ULK4: variants seen among roughly 807,000 people sequenced by gnomAD.
ULK4 encodes the protein inactive serine/threonine-protein kinase ULK4.
A neutral mutation model predicts 160.6 loss-of-function variants in ULK4; 133 were observed. That is an observed-to-expected ratio of 0.83 (90% CI 0.72 to 0.96). The LOEUF is 0.96. Among genes scored for constraint, ULK4 ranks in the 40% least tolerant of loss-of-function variants. The pLI, the probability that ULK4 is intolerant of heterozygous loss-of-function variation, is 0.00. For missense variants in ULK4, 1,580 were observed against 1,499.5 expected (o/e 1.05, Z -0.89); for synonymous variants, 534 against 539.8 (o/e 0.99, Z 0.15).
chr3:41,412,398 G>GTT (rs36026491), intron 34 of ULK4, among the ~76,000 whole-genome samples: 206 of 139,054 alleles, frequency 1.5e-3, no homozygotes, highest in South Asian at 0.012. Flanking sequence ...AATCCCCCAA[G>GTT]TTTTTTTTTT....
At chr3:41,855,873 G>T (rs1387869450) in intron 17 of ULK4, among the ~76,000 whole-genome samples, 1 of 152,046 alleles carries the variant, frequency 6.6e-6, no homozygotes, top group African/African-American at 2.4e-5. Flanking sequence ...AAATATGTTA[G>T]TCTCATACCT....
intron 27 of ULK4, among the ~76,000 whole-genome samples, chr3:41,694,225 C>T (rs2036410321): frequency 6.6e-6 from 1 of 152,182 alleles, no homozygotes; most frequent in African/African-American, 2.4e-5. Context: ...GCAGTGTGAA[C>T]TCATGATTTC....
chr3:41,844,537 C>T (rs867487029), intron 17 of ULK4, among the ~76,000 whole-genome samples: 9 of 152,158 alleles, frequency 5.9e-5, no homozygotes, highest in Admixed American at 2.0e-4. Context: ...GGTTGCCGCT[C>T]GCGCCTCTCC....
chr3:41,279,581 A>AG (rs58243824), intron 35 of ULK4, among the ~76,000 whole-genome samples: 152,356 of 152,356 alleles, frequency 1, 76,178 homozygotes, highest in Non-Finnish European at 1. Context: ...TTACCCCCAA[A>AG]GGAAGCCCAT....
At chr3:41,516,445 T>C (rs1374457377) in intron 32 of ULK4, among the ~76,000 whole-genome samples, 14 of 151,968 alleles carry the variant, frequency 9.2e-5, no homozygotes, top group Non-Finnish European at 2.9e-5. Flanking sequence ...GCAAAACATA[T>C]CTGATAAAGG....
chr3:41,474,845 A>G (rs2084092626), intron 32 of ULK4, among the ~76,000 whole-genome samples: 1 of 151,720 alleles, frequency 6.6e-6, no homozygotes, highest in Non-Finnish European at 1.5e-5. Flanking sequence ...GAAAACAAAC[A>G]TTGGCAACAA....
intron 35 of ULK4, among the ~76,000 whole-genome samples, chr3:41,315,927 C>T (rs1222700194): frequency 6.6e-6 from 1 of 152,186 alleles, no homozygotes; most frequent in South Asian, 2.1e-4. Flanking sequence ...AATCAGAACT[C>T]TCATACACTG....
rs181734329 is a variant in ULK4 at position 41,894,485 on chromosome 3, G to A, written c.1577+1033C>T. 2.8e-4 allele frequency among the ~76,000 whole-genome samples: 43 copies of A among 151,932 alleles called. No homozygotes were observed. The East Asian group carries it at 7.5e-3, about 27-fold the overall frequency. ...GTGCCACAATCCACAAAATCCTTTCGCCTCCATTTTTTCATGTGCCTGTCC... is the reference window on the plus strand; with the variant it reads ...GTGCCACAATCCACAAAATCCTTTCACCTCCATTTTTTCATGTGCCTGTCC... On this transcript the variant is annotated intron_variant, in intron 16 of 36. Transcript: ENST00000301831.
At chr3:41,530,173 T>A (rs1390275662) in intron 32 of ULK4, among the ~76,000 whole-genome samples, 2 of 152,200 alleles carry the variant, frequency 1.3e-5, no homozygotes, top group Admixed American at 1.3e-4. Context: ...AAATGAAATT[T>A]CACTAAACAC....
At chr3:41,679,736 G>C (rs929342092) in intron 29 of ULK4, among the ~76,000 whole-genome samples, 1 of 152,148 alleles carries the variant, frequency 6.6e-6, no homozygotes. Context: ...GATTAACAGA[G>C]CTTTAAAAAA....
In ULK4 at chr3:41,507,051, G is replaced by A. The variant is rs1350585102; in HGVS notation, c.3227-43798C>T. 6.7e-5 allele frequency among the ~76,000 whole-genome samples: 10 copies of A among 148,384 alleles called. No individual in the cohort carries two copies. In the South Asian group the frequency reaches 8.6e-4, roughly 13 times the overall value. Reference sequence around the variant, plus strand: ...GCTATAAAGCAGTTCATGTACACCTGGTTAAATGGATGTGCCAATTATATT... The same window carrying A: ...GCTATAAAGCAGTTCATGTACACCTAGTTAAATGGATGTGCCAATTATATT... On this transcript the variant is annotated intron_variant, in intron 32 of 36. Transcript: ENST00000301831.
intron 34 of ULK4, among the ~76,000 whole-genome samples, chr3:41,424,873 C>G (rs1324508912): frequency 1.4e-5 from 2 of 143,512 alleles, no homozygotes; most frequent in Non-Finnish European, 3.0e-5. Context: ...ACTGAAAAAG[C>G]CAGAGTGTCT....
chr3:41,692,672 G>A (rs2036345422), intron 27 of ULK4, among the ~76,000 whole-genome samples: 1 of 151,086 alleles, frequency 6.6e-6, no homozygotes, highest in East Asian at 1.9e-4. Context: ...ATAATATATG[G>A]AATAATCCAA....
chr3:41,483,864 A>G (rs183976330), intron 32 of ULK4, among the ~76,000 whole-genome samples: 2 of 152,332 alleles, frequency 1.3e-5, no homozygotes, highest in East Asian at 3.9e-4. Flanking sequence ...CGTATGACAG[A>G]AGCAAGAAGT....
chr3:41,931,495 A>G (rs1699600581), intron 5 of ULK4, among the ~76,000 whole-genome samples: 1 of 146,152 alleles, frequency 6.8e-6, no homozygotes. Flanking sequence ...AAAAGAAAGA[A>G]ATATGTTTCA....
intron 30 of ULK4, among the ~76,000 whole-genome samples, chr3:41,616,689 C>G (rs576622792): frequency 6.6e-6 from 1 of 152,286 alleles, no homozygotes; most frequent in South Asian, 2.1e-4. Context: ...GTTTCAAGCA[C>G]AAAACTGGGA....
intron 35 of ULK4, among the ~76,000 whole-genome samples, chr3:41,263,154 GGTGGTAACCAAA>G (rs60798552): frequency 0.2 from 30,921 of 152,094 alleles, 5,392 homozygotes; most frequent in African/African-American, 0.47. Flanking sequence ...AAATACTTGG[GGTGGTAACCAAA>G]GTGGGATAGC....
At position 41,486,454 on chromosome 3, in the gene ULK4, A is replaced by G. The variant is rs1378101087; in HGVS notation, c.3227-23201T>C. Among the ~76,000 whole-genome samples the G allele has an allele frequency of 5.3e-5, 8 of 152,204 alleles. No homozygotes were observed. The East Asian group carries it at 1.4e-3, about 26-fold the overall frequency. On this transcript the variant is annotated intron_variant, in intron 32 of 36. Transcript: ENST00000301831. ...GCTTGCTATAGCAAGAGAATTGGCC[A>G]TCATTTACATTTGACGGAGACTCAA...
chr3:41,603,307 G>A (rs1379310826), intron 31 of ULK4, among the ~76,000 whole-genome samples: 1 of 151,974 alleles, frequency 6.6e-6, no homozygotes, highest in Non-Finnish European at 1.5e-5. Flanking sequence ...TTCTAAATAT[G>A]TATGAAACAA....
Sources: gnomAD v4.1 joint callset for allele counts (sites outside exome capture counted in the v4.1 genomes callset) on GRCh38, gnomAD v4.1.1 for gene constraint, MANE v1.5 for transcripts, NCBI Gene and HGNC (gene_info 2026-07-23, HGNC 2026-07-21) for gene names.